The following MELK variants were observed in gnomAD, a reference collection of about 807,000 sequenced individuals.
MELK encodes the protein maternal embryonic leucine zipper kinase, also known as pEg3 kinase.
In MELK, 81 loss-of-function variants were observed where a neutral mutation model predicts 85.0. The ratio of observed to expected loss-of-function variants is 0.95; its 90% CI spans 0.80 to 1.15. The LOEUF is 1.15. Ranked by LOEUF, MELK falls within the 50% of genes most tolerant of loss-of-function variation. The pLI, the probability that MELK is intolerant of heterozygous loss-of-function variation, is 0.00. For synonymous variants in MELK, 252 were observed against 265.0 expected, an observed-to-expected ratio of 0.95 and a Z score of 0.48; for missense variants, 754 against 777.5, an observed-to-expected ratio of 0.97 and a Z score of 0.36.
intron 1 of MELK, among the ~76,000 whole-genome samples, chr9:36,579,265 G>C (rs1821958289): frequency 1.3e-5 from 2 of 152,184 alleles, no homozygotes; most frequent in African/African-American, 4.8e-5. Context: ...GACCTCAGGT[G>C]ATCTGCCCGT....
intron 10 of MELK, among the ~76,000 whole-genome samples, chr9:36,636,325 G>T (rs1487636892): frequency 1.3e-5 from 2 of 151,778 alleles, no homozygotes; most frequent in African/African-American, 4.8e-5. Flanking sequence ...CCAACATGGA[G>T]AAACCCGTTT....
intron 11 of MELK, among the ~76,000 whole-genome samples, chr9:36,643,730 C>T (rs1245392360): frequency 2.6e-5 from 4 of 151,962 alleles, no homozygotes; most frequent in Non-Finnish European, 5.9e-5. Flanking sequence ...GTCAGGAGAT[C>T]GAGACCATCC....
intron 17 of MELK, among the ~76,000 whole-genome samples, chr9:36,675,241 AC>A (rs1263408686): frequency 6.6e-6 from 1 of 152,300 alleles, no homozygotes; most frequent in Non-Finnish European, 1.5e-5. Flanking sequence ...CTGAGATCAC[AC>A]CACTGCACTC....
chr9:36,630,328 C>T lies in MELK; in HGVS notation c.696C>T (p.Leu232=), dbSNP rs771749181. The T allele has an allele frequency of 5.0e-6, 8 of 1,612,220 alleles. No individual in the cohort carries two copies. In the East Asian group the frequency reaches 1.1e-4, roughly 22 times the overall value. ...GAAAATATGATGTTCCCAAGTGGCTCTCTCCCAGTAGCATTCTGCTTCTTC... is the reference window on the plus strand; with the variant it reads ...GAAAATATGATGTTCCCAAGTGGCTTTCTCCCAGTAGCATTCTGCTTCTTC... ...MRGKYDVPKW[L]SPSSILLLQQ... The change falls in exon 9 of 18, where the codon CTC becomes CTT. Residue 232 remains leucine, a synonymous_variant. Transcript: ENST00000298048.
chr9:36,643,212 A>G, intron 11 of MELK, 129 bp downstream of exon 11: 1 of 616,188 alleles, frequency 1.6e-6, no homozygotes, highest in Non-Finnish European at 2.6e-6. Flanking sequence ...GTGAAACCCC[A>G]TCTCTACTGA....
intron 10 of MELK, among the ~76,000 whole-genome samples, chr9:36,635,407 C>T (rs915020690): frequency 6.6e-6 from 1 of 151,888 alleles, no homozygotes; most frequent in African/African-American, 2.4e-5. Context: ...GGGATTACAG[C>T]CGCCTGCTAC....
At chr9:36,612,748 G>T (rs1348924486) in intron 8 of MELK, among the ~76,000 whole-genome samples, 1 of 152,150 alleles carries the variant, frequency 6.6e-6, no homozygotes, top group Non-Finnish European at 1.5e-5. Flanking sequence ...AACTATCTTT[G>T]TATGTTTGGT....
At chr9:36,614,827 A>T (rs1012689991) in intron 8 of MELK, among the ~76,000 whole-genome samples, 1 of 145,954 alleles carries the variant, frequency 6.9e-6, no homozygotes, top group African/African-American at 2.6e-5. Flanking sequence ...AAAGTCTCCC[A>T]TGTCTTCTAC....
chr9:36,574,272 T>C (rs1030219832), intron 1 of MELK, among the ~76,000 whole-genome samples: 15 of 151,904 alleles, frequency 9.9e-5, no homozygotes, highest in African/African-American at 3.6e-4. Context: ...GCTAATTAAA[T>C]GTGTTACAGG....
intron 4 of MELK, among the ~76,000 whole-genome samples, chr9:36,592,462 C>G (rs993466355): frequency 1.3e-5 from 2 of 152,110 alleles, no homozygotes; most frequent in East Asian, 1.9e-4. Context: ...CAGGAGTGAG[C>G]CACCGCGCCC....
At position 36,668,803 on chromosome 9, in the gene MELK, G is replaced by A. The variant is rs183533675; in HGVS notation, c.1409-507G>A. ...GCTGGGATTACAGGCATGAGCCACT[G>A]TGCCTGGCCAAAGCTTACATCTCTT... On this transcript the variant is annotated intron_variant, in intron 14 of 17. Coordinates refer to ENST00000298048, the MANE Select transcript of MELK (RefSeq NM_014791.4). Among the ~76,000 whole-genome samples, 106 of 152,266 alleles carry A rather than the reference G, an allele frequency of 7.0e-4. 1 individual carries two copies. Among genetic ancestry groups the A allele is most frequent in the African/African-American group, 2.5e-3 (102 of 41,558 alleles).
At chr9:36,586,683 A>G (rs1822940695) in intron 3 of MELK, among the ~76,000 whole-genome samples, 2 of 152,234 alleles carry the variant, frequency 1.3e-5, no homozygotes, top group African/African-American at 4.8e-5. Context: ...CTTAAATAGC[A>G]AACAAAATGT....
chr9:36,574,430 C>CAAAAAAAAAAAA (rs78915626), intron 1 of MELK, among the ~76,000 whole-genome samples: 11 of 79,768 alleles, frequency 1.4e-4, no homozygotes, highest in Admixed American at 4.3e-4. Context: ...ACTAAAAATA[C>CAAAAAAAAAAAA]AAAAAAAAAA....
chr9:36,574,846 C>T (rs1227872417), intron 1 of MELK, among the ~76,000 whole-genome samples: 2 of 151,222 alleles, frequency 1.3e-5, no homozygotes, highest in Non-Finnish European at 2.9e-5. Flanking sequence ...GTTAAAGACC[C>T]CAATTATAGG....
chr9:36,656,484 T>C (rs1253954607), intron 12 of MELK, among the ~76,000 whole-genome samples: 2 of 152,246 alleles, frequency 1.3e-5, no homozygotes, highest in African/African-American at 4.8e-5. Flanking sequence ...TTCAATATAG[T>C]GTCTCCTATT....
intron 14 of MELK, among the ~76,000 whole-genome samples, chr9:36,668,513 A>T (rs771101860): frequency 9.9e-5 from 15 of 151,960 alleles, no homozygotes; most frequent in Non-Finnish European, 1.8e-4. Context: ...ATCAAAGCTT[A>T]CATCTCTTTT....
chr9:36,627,053 AACACACACACACAC>A lies in MELK; in HGVS notation c.667-3223_667-3210del, dbSNP rs10608377. Among the ~76,000 whole-genome samples the A allele has an allele frequency of 2.5e-3, 347 of 140,958 alleles. 6 individuals are homozygous for A. The highest frequency in any genetic ancestry group is 0.016 in the South Asian group (70 of 4,336). 92.5% of individuals were successfully genotyped at this position (140,958 alleles called of 152,430 possible). On this transcript the variant is annotated intron_variant, in intron 8 of 17. Transcript: ENST00000298048. ...GAAGACAAGGACAAGCACAAGCGCA[AACACACACACACAC>A]ACACACACACACACACACACACGCC...
intron 10 of MELK, among the ~76,000 whole-genome samples, chr9:36,636,774 T>TCTGTCTG (rs1564190977): frequency 6.6e-5 from 7 of 105,900 alleles, no homozygotes; most frequent in African/African-American, 3.1e-4. Flanking sequence ...CTTTCTTTCT[T>TCTGTCTG]TCTTTCTTTC....
intron 7 of MELK, chr9:36,606,681 AT>A (rs1825574075): frequency 6.8e-6 from 1 of 147,490 alleles, no homozygotes; most frequent in African/African-American, 2.5e-5. Flanking sequence ...GGACATATAT[AT>A]GTATACATGT....
Sources: allele counts gnomAD v4.1 joint callset (sites outside exome capture counted in the v4.1 genomes callset), GRCh38; gene constraint gnomAD v4.1.1; transcripts MANE v1.5; gene names NCBI Gene and HGNC (gene_info 2026-07-23, HGNC 2026-07-21).